The following FXYD3 variants were observed in gnomAD, a reference collection of about 807,000 sequenced individuals.
The protein encoded by FXYD3 is FXYD domain containing ion transport regulator 3, also known as FXYD domain-containing ion transport regulator 3.
FXYD3 carries 13 observed loss-of-function variants against 19.2 expected under a neutral mutation model. That is an observed-to-expected ratio of 0.68 (90% CI 0.44 to 1.08). The LOEUF (loss-of-function observed/expected upper bound fraction) is 1.08. Ranked by LOEUF, FXYD3 falls within the 50% of genes least tolerant of loss-of-function variation. The probability of loss-of-function intolerance (pLI) is 0.00; values close to 1 mark genes in which losing one functional copy is unlikely to be tolerated. For synonymous variants in FXYD3, 48 were observed against 38.9 expected (o/e 1.23, Z -0.87); for missense variants, 101 against 109.4 (o/e 0.92, Z 0.34).
At chr19:35,116,206 A>T in intron 1 of FXYD3, 58 bp from the exon 2 acceptor site, 1 of 985,348 alleles carries the variant, frequency 1.0e-6, no homozygotes. Context: ...TGTCTCTTTA[A>T]GAGCAGGAAT....
In FXYD3 at chr19:35,119,384, A is replaced by C. The variant is rs62120434; in HGVS notation, c.8A>C (p.Lys3Thr). 1 of 1,614,132 alleles carries C rather than the reference A, an allele frequency of 6.2e-7. No homozygotes were observed. The highest frequency in any genetic ancestry group is 1.7e-5 in the Admixed American group (1 of 60,032). The change falls in exon 3 of 9, where the codon AAG becomes ACG. Residue 3 changes from lysine (K) to threonine (T), a missense_variant. Transcript: ENST00000604404. MQKVTLGLLVFLA... is the reference protein window; with the variant it reads MQTVTLGLLVFLA... ...CTAGGCCAGCGCTCTGACATGCAGA[A>C]GGTGACCCTGGGCCTGCTTGTGTTC...
intron 3 of FXYD3, chr19:35,119,682 T>TA: frequency 2.5e-6 from 1 of 408,116 alleles, no homozygotes; most frequent in Non-Finnish European, 4.1e-6. Context: ...TTTGTTTTTG[T>TA]TTTTGTTTTT....
intron 5 of FXYD3, among the ~76,000 whole-genome samples, chr19:35,122,050 AGAACTCCT>A (rs1397706118): frequency 6.6e-6 from 1 of 151,600 alleles, no homozygotes; most frequent in Non-Finnish European, 1.5e-5. Context: ...AAGCTGGTCT[AGAACTCCT>A]GAACTCCTGA....
At chr19:35,117,583 G>C (rs969076662) in intron 2 of FXYD3, among the ~76,000 whole-genome samples, 3 of 151,752 alleles carry the variant, frequency 2.0e-5, no homozygotes, top group Non-Finnish European at 2.9e-5. Context: ...GACTCGTATG[G>C]TCATGGGTGA....
chr19:35,117,838 C>G (rs939849245), intron 2 of FXYD3, among the ~76,000 whole-genome samples: 3 of 10,212 alleles, frequency 2.9e-4, no homozygotes, highest in African/African-American at 1.0e-3. Flanking sequence ...GAGAGGATTC[C>G]CAGGCCCTGG....
chr19:35,122,574 C>T, intron 5 of FXYD3, 191 bp from the exon 6 acceptor site: 1 of 591,186 alleles, frequency 1.7e-6, no homozygotes, highest in Non-Finnish European at 3.0e-6. Context: ...TCTGCCTGAC[C>T]CTGCACGACA....
chr19:35,121,053 C>T (rs2065031158), intron 3 of FXYD3, 25 bp from the exon 4 acceptor site: 2 of 1,611,744 alleles, frequency 1.2e-6, no homozygotes, highest in Non-Finnish European at 8.5e-7. Flanking sequence ...CACCATCTCC[C>T]CTCCTTCCCC....
intron 2 of FXYD3, among the ~76,000 whole-genome samples, chr19:35,117,573 G>C (rs956198523): frequency 9.9e-5 from 15 of 151,740 alleles, no homozygotes; most frequent in Non-Finnish European, 2.1e-4. Context: ...TTATTACCAG[G>C]ACTCGTATGG....
At chr19:35,120,540 A>G (rs1229138711) in intron 3 of FXYD3, among the ~76,000 whole-genome samples, 1 of 152,192 alleles carries the variant, frequency 6.6e-6, no homozygotes, top group Non-Finnish European at 1.5e-5. Context: ...CTTTTTGTCC[A>G]TTACATAGGG....
Position 35,116,323 on chromosome 19 carries a change from C to T in FXYD3, c.-51C>T. 2.0e-6 allele frequency: 2 copies of T among 985,510 alleles called. No homozygotes were observed. Among genetic ancestry groups the T allele is most frequent in the Middle Eastern group, 5.2e-4 (1 of 1,914 alleles). 61.0% of individuals were successfully genotyped at this position (985,510 alleles called of 1,614,324 possible). ...AGGACTCCGCCTGGCAGCCCGATTT[C>T]TCCCGGAACCTCTGCTCAGCCTGGT... On this transcript the variant is annotated 5_prime_UTR_variant, in exon 2 of 9. Transcript: ENST00000604404.
chr19:35,121,430 G>T, intron 5 of FXYD3, 185 bp downstream of exon 5: 1 of 1,519,868 alleles, frequency 6.6e-7, no homozygotes, highest in South Asian at 1.3e-5. Flanking sequence ...CTGGCCTTTG[G>T]GAAGGTTCTA....
intron 2 of FXYD3, chr19:35,116,974 C>T: frequency 1.0e-6 from 1 of 985,258 alleles, no homozygotes; most frequent in Non-Finnish European, 1.2e-6. Context: ...GAACATGAGA[C>T]CATTCTCCCA....
chr19:35,123,579 C>A lies in FXYD3; in HGVS notation c.*122C>A. 2.0e-6 allele frequency: 2 copies of A among 1,013,938 alleles called. No homozygotes were observed. The highest frequency in any genetic ancestry group is 3.0e-6 in the Non-Finnish European group (2 of 656,350). The allele number at this position is 1,013,938 out of a possible 1,614,324, so 62.8% of individuals were successfully genotyped here. A position where few individuals can be genotyped will look rare whatever the true frequency, so the allele number is the denominator to read the frequency against. On this transcript the variant is annotated 3_prime_UTR_variant, in exon 9 of 9. Transcript: ENST00000604404. ...CCTCTGCTGGGACTCCTTTGCATGG[C>A]AGGGCCTCATCTCACCTCTCGCAAG...
chr19:35,116,784 A>T (rs1405559696), intron 2 of FXYD3: 2 of 985,194 alleles, frequency 2.0e-6, no homozygotes, highest in African/African-American at 3.5e-5. Flanking sequence ...GTGTCCAGAC[A>T]TTGAGGGATC....
intron 2 of FXYD3, chr19:35,119,104 G>A (rs958337024): frequency 5.6e-5 from 67 of 1,197,650 alleles, no homozygotes; most frequent in Non-Finnish European, 7.4e-5. Context: ...GTTTGGTTGC[G>A]GGGCGATTCC....
chr19:35,123,068 C>T lies in FXYD3; in HGVS notation c.209+114C>T, dbSNP rs117732118. ...GGGCTCTGCCCTTTAGAGTTCCTGCCGCTAAGATTTCCAGGTTTATTGTTT... is the reference window on the plus strand; with the variant it reads ...GGGCTCTGCCCTTTAGAGTTCCTGCTGCTAAGATTTCCAGGTTTATTGTTT... On this transcript the variant is annotated intron_variant, in intron 7 of 8. Coordinates refer to ENST00000604404, the MANE Select transcript of FXYD3 (RefSeq NM_005971.4). 316 of 1,460,926 alleles carry T rather than the reference C, an allele frequency of 2.2e-4. No individual in the cohort carries two copies. The East Asian group carries it at 3.5e-3, about 16-fold the overall frequency. 90.5% of individuals were successfully genotyped at this position (1,460,926 alleles called of 1,614,324 possible). A position where few individuals can be genotyped will look rare whatever the true frequency, so the allele number is the denominator to read the frequency against.
intron 3 of FXYD3, 23 bp from the exon 4 acceptor site, chr19:35,121,055 T>C: frequency 1.2e-6 from 2 of 1,612,002 alleles, no homozygotes; most frequent in Non-Finnish European, 1.7e-6. Flanking sequence ...CCATCTCCCC[T>C]CCTTCCCCTC....
Position 35,123,330 on chromosome 19 carries a change from C to A in FXYD3, c.247+22C>A, listed in dbSNP as rs751129369. 5.6e-6 allele frequency: 9 copies of A among 1,611,088 alleles called. No individual in the cohort carries two copies. The South Asian group carries it at 8.8e-5, about 16-fold the overall frequency. ...CCAGGTAAGATGGGGCAGCATGGGGCTCAGGGGAACACGGAAGTGGTGTGT... is the reference window on the plus strand; with the variant it reads ...CCAGGTAAGATGGGGCAGCATGGGGATCAGGGGAACACGGAAGTGGTGTGT... On this transcript the variant is annotated intron_variant, in intron 8 of 8. Transcript: ENST00000604404.
Position 35,123,363 on chromosome 19 carries a change from T to G in FXYD3, c.247+55T>G, listed in dbSNP as rs891917946. The G allele has an allele frequency of 1.9e-6, 3 of 1,611,134 alleles. No homozygotes were observed. The African/African-American group carries it at 4.0e-5, about 22-fold the overall frequency. On this transcript the variant is annotated intron_variant, in intron 8 of 8. Coordinates refer to ENST00000604404, the MANE Select transcript of FXYD3 (RefSeq NM_005971.4). ...AACACGGAAGTGGTGTGTGTGTGTG[T>G]GTGTATGTGTGTGTTTGCACACTGG...
Sources: allele counts gnomAD v4.1 joint callset (sites outside exome capture counted in the v4.1 genomes callset), GRCh38; gene constraint gnomAD v4.1.1; transcripts MANE v1.5; gene names NCBI Gene and HGNC (gene_info 2026-07-23, HGNC 2026-07-21).